Variants in PVT1 observed in about 807,000 individuals in gnomAD.
The protein encoded by PVT1 is Pvt1 oncogene, also known as CXCR4/PVT1 fusion.
At position 127,868,807 on chromosome 8, in the gene PVT1, A is replaced by G. The variant is rs1330437268; in HGVS notation, n.373-21782A>G. On this transcript the variant is annotated intron_variant and non_coding_transcript_variant, in intron 2 of 10. Transcript: ENST00000651587. ...TATATATATATACATATATATGTAC[A>G]TATATATATATATGTATGTATTATC... is the stretch of plus-strand genomic sequence containing the variant. 5.7e-4 allele frequency among the ~76,000 whole-genome samples: 55 copies of G among 96,540 alleles called. 1 individual carries two copies. The highest frequency in any genetic ancestry group is 6.4e-4 in the Non-Finnish European group (31 of 48,368). The allele number at this position is 96,540 out of a possible 152,430, so 63.3% of individuals were successfully genotyped here. A position where few individuals can be genotyped will look rare whatever the true frequency, so the allele number is the denominator to read the frequency against.
chr8:127,962,077 C>T (rs1043648290), intron 3 of PVT1, among the ~76,000 whole-genome samples: 9 of 152,218 alleles, frequency 5.9e-5, no homozygotes, highest in Non-Finnish European at 1.3e-4. Context: ...GGGGTTCAAG[C>T]GATTCTCCTG....
chr8:127,880,536 T>TCCG (rs1815454014), intron 2 of PVT1, among the ~76,000 whole-genome samples: 1 of 150,692 alleles, frequency 6.6e-6, no homozygotes. Context: ...GACCTCATGA[T>TCCG]CCGCCTGTCT....
chr8:127,936,115 G>A (rs533496100), intron 3 of PVT1, among the ~76,000 whole-genome samples: 26 of 147,954 alleles, frequency 1.8e-4, no homozygotes, highest in South Asian at 4.3e-4. Flanking sequence ...GCAATGGCGC[G>A]ATCTTGGCTC....
At chr8:127,873,615 T>C (rs958548212) in intron 2 of PVT1, among the ~76,000 whole-genome samples, 1 of 151,848 alleles carries the variant, frequency 6.6e-6, no homozygotes, top group African/African-American at 2.4e-5. Flanking sequence ...GTAAAGGGAG[T>C]TGTTAATTTC....
intron 3 of PVT1, among the ~76,000 whole-genome samples, chr8:127,938,275 G>C (rs1816303977): frequency 6.6e-6 from 1 of 152,204 alleles, no homozygotes; most frequent in Admixed American, 6.5e-5. Context: ...GCACTTTCCA[G>C]GGAAAGGATG....
chr8:127,862,501 G>A (rs1485209273), intron 2 of PVT1, among the ~76,000 whole-genome samples: 1 of 152,094 alleles, frequency 6.6e-6, no homozygotes, highest in African/African-American at 2.4e-5. Context: ...TCATAGCTCA[G>A]TTCATAGTTC....
At chr8:128,071,765 C>T (rs1813998160) in intron 5 of PVT1, among the ~76,000 whole-genome samples, 1 of 151,784 alleles carries the variant, frequency 6.6e-6, no homozygotes, top group African/African-American at 2.4e-5. Flanking sequence ...TTGTTGAGCA[C>T]TTATCTTTGC....
intron 3 of PVT1, among the ~76,000 whole-genome samples, chr8:127,935,499 C>T (rs184827225): frequency 9.2e-5 from 14 of 151,964 alleles, no homozygotes; most frequent in Admixed American, 9.2e-4. Context: ...GTTATGATCC[C>T]CTGTTGTAGA....
chr8:127,935,561 C>G (rs75394188), intron 3 of PVT1, among the ~76,000 whole-genome samples: 6,846 of 152,110 alleles, frequency 0.045, 320 homozygotes, highest in African/African-American at 0.11. Flanking sequence ...TGTCACACAA[C>G]TGATAGATGA....
intron 2 of PVT1, among the ~76,000 whole-genome samples, chr8:127,843,764 T>C (rs911549933): frequency 3.3e-5 from 5 of 151,278 alleles, no homozygotes; most frequent in African/African-American, 9.7e-5. Context: ...GTTTTTTTAA[T>C]AGGAGGTGGG....
chr8:127,925,354 CA>C (rs972193232), intron 3 of PVT1, among the ~76,000 whole-genome samples: 1 of 151,942 alleles, frequency 6.6e-6, no homozygotes. Context: ...TTGAAAAAAT[CA>C]AAAAAATCTA....
At chr8:127,882,804 C>A (rs1320042646) in intron 2 of PVT1, among the ~76,000 whole-genome samples, 1 of 152,156 alleles carries the variant, frequency 6.6e-6, no homozygotes, top group Non-Finnish European at 1.5e-5. Flanking sequence ...AATCTTACTT[C>A]ACAATCCTGA....
At chr8:127,878,225 A>G (rs1474331209) in intron 2 of PVT1, among the ~76,000 whole-genome samples, 1 of 152,072 alleles carries the variant, frequency 6.6e-6, no homozygotes, top group Non-Finnish European at 1.5e-5. Context: ...TCACTTGGAG[A>G]AGAACAGTGT....
At chr8:128,008,675 A>T (rs1817275595) in intron 4 of PVT1, among the ~76,000 whole-genome samples, 1 of 152,138 alleles carries the variant, frequency 6.6e-6, no homozygotes, top group African/African-American at 2.4e-5. Context: ...CTCAGTAATG[A>T]TTATAATGGT....
At chr8:127,946,147 G>T (rs1175530267) in intron 3 of PVT1, among the ~76,000 whole-genome samples, 2 of 152,166 alleles carry the variant, frequency 1.3e-5, no homozygotes, top group African/African-American at 4.8e-5. Context: ...CACATCCAAG[G>T]CAGGGAACTT....
At chr8:128,073,330 A>T (rs1391627256) in intron 5 of PVT1, among the ~76,000 whole-genome samples, 1 of 152,022 alleles carries the variant, frequency 6.6e-6, no homozygotes, top group East Asian at 1.9e-4. Flanking sequence ...TTGTTTTTTA[A>T]TTTAACTGAC....
At chr8:127,968,583 GCTGGCCAGTAGGGTGTATCAGGGA>G (rs1816728528) in intron 3 of PVT1, among the ~76,000 whole-genome samples, 1 of 152,180 alleles carries the variant, frequency 6.6e-6, no homozygotes, top group Non-Finnish European at 1.5e-5. Context: ...TTAGGCAAAA[GCTGGCCAGTAGGGTGTATCAGGGA>G]GGCCCTAAAA....
At chr8:127,875,732 T>C (rs1295550910) in intron 2 of PVT1, among the ~76,000 whole-genome samples, 1 of 152,144 alleles carries the variant, frequency 6.6e-6, no homozygotes, top group Non-Finnish European at 1.5e-5. Flanking sequence ...CCTTAGCTGC[T>C]CATATGCACA....
intron 3 of PVT1, among the ~76,000 whole-genome samples, chr8:127,952,324 G>A (rs890408157): frequency 6.6e-6 from 1 of 152,182 alleles, no homozygotes; most frequent in Admixed American, 6.5e-5. Context: ...AGAGCTGGAG[G>A]AACCTGTTAA....
Sources: gnomAD v4.1 joint callset for allele counts (sites outside exome capture counted in the v4.1 genomes callset) on GRCh38, gnomAD v4.1.1 for gene constraint, MANE v1.5 for transcripts, NCBI Gene and HGNC (gene_info 2026-07-23, HGNC 2026-07-21) for gene names.